ASIP: variants seen among roughly 807,000 people sequenced by gnomAD.
The protein encoded by ASIP is agouti-signaling protein.
A neutral mutation model predicts 10.3 loss-of-function variants in ASIP; 11 were observed. The ratio of observed to expected loss-of-function variants is 1.07; its 90% CI spans 0.68 to 1.78. The LOEUF is 1.78. Ranked by LOEUF, ASIP falls within the 40% of genes most tolerant of loss-of-function variation. The pLI, the probability that ASIP is intolerant of heterozygous loss-of-function variation, is 0.00. For missense variants in ASIP, 180 were observed against 169.2 expected (o/e 1.06, Z -0.35); for synonymous variants, 70 against 70.8 (o/e 0.99, Z 0.06).
upstream of ASIP, among the ~76,000 whole-genome samples, chr20:34,239,287 G>T (rs2035252160): frequency 6.6e-6 from 1 of 151,654 alleles, no homozygotes; most frequent in African/African-American, 2.4e-5. Context: ...CACAATCTTG[G>T]CTCACCGCAA....
intron 1 of ASIP, among the ~76,000 whole-genome samples, chr20:34,207,064 T>C (rs1265262616): frequency 6.6e-6 from 1 of 152,234 alleles, no homozygotes; most frequent in Non-Finnish European, 1.5e-5. Context: ...TTTTAGTTTT[T>C]TGAGGAATCT....
intron 1 of ASIP, among the ~76,000 whole-genome samples, chr20:34,197,788 T>G (rs908716701): frequency 1.1e-4 from 17 of 152,204 alleles, no homozygotes; most frequent in African/African-American, 4.1e-4. Context: ...CTGGCTGTAG[T>G]GCACCAAGCT....
chr20:34,191,562 C>T (rs1418428795), upstream of ASIP, among the ~76,000 whole-genome samples: 2 of 152,148 alleles, frequency 1.3e-5, no homozygotes, highest in Non-Finnish European at 2.9e-5. Context: ...TCTCCTCTGC[C>T]CTCTTCTAAT....
At chr20:34,225,562 A>T (rs2035087091) in intron 1 of ASIP, among the ~76,000 whole-genome samples, 1 of 152,164 alleles carries the variant, frequency 6.6e-6, no homozygotes, top group African/African-American at 2.4e-5. Flanking sequence ...ATTTACAAAA[A>T]AAATTAAAAT....
intron 2 of ASIP, 71 bp from the exon 3 acceptor site, chr20:34,262,761 C>A (rs909980932): frequency 1.3e-6 from 2 of 1,559,488 alleles, no homozygotes; most frequent in Admixed American, 1.7e-5. Context: ...GCCCCCTCTG[C>A]CCCTCTCACT....
intron 1 of ASIP, among the ~76,000 whole-genome samples, chr20:34,198,056 ATTTT>A (rs35269112): frequency 7.6e-6 from 1 of 132,360 alleles, no homozygotes. Context: ...TGATTGCTTA[ATTTT>A]TTTTTTTTTT....
chr20:34,195,396 G>A (rs1412815403), intron 1 of ASIP, among the ~76,000 whole-genome samples: 2 of 152,200 alleles, frequency 1.3e-5, no homozygotes, highest in Non-Finnish European at 2.9e-5. Context: ...CTGTGAAAAT[G>A]AGGAAGAATC....
At chr20:34,202,028 A>C (rs1483035424) in intron 1 of ASIP, among the ~76,000 whole-genome samples, 1 of 152,162 alleles carries the variant, frequency 6.6e-6, no homozygotes, top group South Asian at 2.1e-4. Flanking sequence ...AACTGTCTTA[A>C]GGATTTGTTT....
intron 1 of ASIP, chr20:34,246,185 A>C: frequency 8.4e-7 from 1 of 1,189,304 alleles, no homozygotes; most frequent in Non-Finnish European, 1.2e-6. Context: ...TGCTCTAGGA[A>C]TTTTGGCCTT....
rs1568756842 is a variant in ASIP, at chr20:34,236,007, A to AAGGAAGGAAG, written c.-10-24358_-10-24357insAGGAAGGAAG. On this transcript the variant is annotated intron_variant, in intron 1 of 3. Transcript: ENST00000568305. ...AGGAAAGAAGGAAGGAAGGAGAAAG[A>AAGGAAGGAAG]GAGAAAGAGAGAGAGAAGAAGAAAG... is the stretch of plus-strand genomic sequence containing the variant. Among the ~76,000 whole-genome samples the AAGGAAGGAAG allele has an allele frequency of 4.1e-5, 4 of 98,538 alleles. No individual in the cohort carries two copies. The African/African-American group carries it at 4.7e-4, about 12-fold the overall frequency. 64.6% of individuals were successfully genotyped at this position (98,538 alleles called of 152,430 possible). A position where few individuals can be genotyped will look rare whatever the true frequency, so the allele number is the denominator to read the frequency against.
intron 1 of ASIP, among the ~76,000 whole-genome samples, chr20:34,209,155 G>A (rs1237148305): frequency 1.3e-5 from 2 of 152,192 alleles, no homozygotes; most frequent in African/African-American, 4.8e-5. Context: ...TGATAGCAGT[G>A]GTCCATCTGG....
intron 1 of ASIP, chr20:34,214,722 T>C (rs2034996296): frequency 1.7e-6 from 2 of 1,155,108 alleles, no homozygotes; most frequent in South Asian, 1.2e-5. Context: ...CATAAGTCAA[T>C]TTTTTCATAA....
At chr20:34,235,887 AAGG>A (rs2035190639) in intron 1 of ASIP, among the ~76,000 whole-genome samples, 1 of 103,206 alleles carries the variant, frequency 9.7e-6, no homozygotes, top group African/African-American at 5.1e-5. Context: ...GGAAGGAAGG[AAGG>A]AAGGAAGGAA....
intron 1 of ASIP, among the ~76,000 whole-genome samples, chr20:34,202,957 C>T (rs1290038937): frequency 1.3e-5 from 2 of 151,638 alleles, no homozygotes; most frequent in African/African-American, 2.4e-5. Flanking sequence ...CACAGGCGCC[C>T]GCCACTACGC....
upstream of ASIP, among the ~76,000 whole-genome samples, chr20:34,190,019 C>T (rs1205811096): frequency 1.3e-5 from 2 of 152,206 alleles, no homozygotes; most frequent in Non-Finnish European, 2.9e-5. Flanking sequence ...GTCAGGTTGG[C>T]CACTGTCCCG....
chr20:34,191,625 G>A (rs148092375), upstream of ASIP, among the ~76,000 whole-genome samples: 98 of 152,118 alleles, frequency 6.4e-4, no homozygotes, highest in East Asian at 7.7e-4. Context: ...CTCTAAGACT[G>A]GGTTAATTTT....
intron 1 of ASIP, among the ~76,000 whole-genome samples, chr20:34,247,826 G>T (rs1017468314): frequency 4.6e-5 from 7 of 152,022 alleles, no homozygotes; most frequent in African/African-American, 9.7e-5. Flanking sequence ...CAAACTCCTG[G>T]TCTCAAGCAA....
chr20:34,263,437 C>A (rs901570613), intron 3 of ASIP, among the ~76,000 whole-genome samples: 3 of 151,822 alleles, frequency 2.0e-5, no homozygotes, highest in Admixed American at 6.6e-5. Flanking sequence ...TGGTGGTGGG[C>A]GCCTGTAATC....
chr20:34,252,086 G>T (rs557783171), intron 1 of ASIP, among the ~76,000 whole-genome samples: 10 of 152,326 alleles, frequency 6.6e-5, no homozygotes, highest in African/African-American at 2.4e-4. Context: ...AGACTCTATA[G>T]TGAGTCATAT....
Sources: gnomAD v4.1 joint callset for allele counts (sites outside exome capture counted in the v4.1 genomes callset) on GRCh38, gnomAD v4.1.1 for gene constraint, MANE v1.5 for transcripts, NCBI Gene and HGNC (gene_info 2026-07-23, HGNC 2026-07-21) for gene names.